CDH4: variants seen among roughly 807,000 people sequenced by gnomAD.
CDH4 encodes cadherin-4.
CDH4 carries 33 observed loss-of-function variants against 86.0 expected under a neutral mutation model. That is an observed-to-expected ratio of 0.38 (90% CI 0.29 to 0.51). CDH4 has a LOEUF of 0.51. CDH4 is among the 20% of genes least tolerant of loss of function. CDH4 has a pLI of 0.86. For synonymous variants in CDH4, 555 were observed against 549.4 expected, an observed-to-expected ratio of 1.01 and a Z score of -0.14; for missense variants, 1,114 against 1,307.4, an observed-to-expected ratio of 0.85 and a Z score of 2.28.
intron 2 of CDH4, among the ~76,000 whole-genome samples, chr20:61,531,472 C>CA (rs956436259): frequency 0.19 from 7,656 of 40,906 alleles, 409 homozygotes; most frequent in African/African-American, 0.22. Context: ...GACTGCATCT[C>CA]AAAAAAAAAA....
chr20:61,811,044 C>T lies in CDH4; in HGVS notation c.577-33624C>T, dbSNP rs941446643. ...TTCATCCCCTGCAAAACTAATGGCG[C>T]GGTGCTGACTGCCGCATCCTCAGCA... On this transcript the variant is annotated intron_variant, in intron 4 of 15. Coordinates refer to ENST00000614565, the MANE Select transcript of CDH4 (RefSeq NM_001794.5). The surrounding 1 kb of genome is among the most constrained non-coding windows in gnomAD (Gnocchi z 4.4). Among the ~76,000 whole-genome samples, 2 of 152,208 alleles carry T rather than the reference C, an allele frequency of 1.3e-5. No individual in the cohort carries two copies. Among genetic ancestry groups the T allele is most frequent in the Non-Finnish European group, 2.9e-5 (2 of 68,044 alleles).
chr20:61,719,332 C>T (rs6089489), intron 2 of CDH4: 124,208 of 340,236 alleles, frequency 0.37, 24,619 homozygotes, highest in South Asian at 0.43. Flanking sequence ...GAGTCAGCCA[C>T]GGAGGCCTGT....
At chr20:61,413,921 C>G (rs992455509) in intron 2 of CDH4, among the ~76,000 whole-genome samples, 1 of 152,188 alleles carries the variant, frequency 6.6e-6, no homozygotes, top group East Asian at 1.9e-4. Flanking sequence ...ACCATTCTGG[C>G]AGCTGGAAGT....
rs143854564 is a variant in CDH4, at chr20:61,606,892, G to A, written c.170-136671G>A. 3.8e-3 allele frequency among the ~76,000 whole-genome samples: 585 copies of A among 152,348 alleles called. 5 individuals carry two copies. Among genetic ancestry groups the A allele is most frequent in the African/African-American group, 0.013 (534 of 41,578 alleles). On this transcript the variant is annotated intron_variant, in intron 2 of 15. Transcript: ENST00000614565. ...CCCTCCAGACCAGCTCCAGGCTACC[G>A]CCGGGATGTCCTGGTGAGCCCAGGG...
At chr20:61,611,451 G>A (rs6142809) in intron 2 of CDH4, among the ~76,000 whole-genome samples, 3,830 of 152,156 alleles carry the variant, frequency 0.025, 145 homozygotes, top group East Asian at 0.17. Context: ...TGAGGTTGGT[G>A]ATCCCAGATT....
At chr20:61,416,899 G>A (rs981635367) in intron 2 of CDH4, among the ~76,000 whole-genome samples, 1 of 152,048 alleles carries the variant, frequency 6.6e-6, no homozygotes, top group Admixed American at 6.6e-5. Context: ...GTTTTGTCCT[G>A]ACTCACTGCC....
intron 2 of CDH4, among the ~76,000 whole-genome samples, chr20:61,380,531 T>TTTTTCCCCCCCCCC (rs2084894574): frequency 2.0e-5 from 3 of 148,834 alleles, no homozygotes; most frequent in African/African-American, 7.5e-5. Flanking sequence ...CAAACCCCCC[T>TTTTTCCCCCCCCCC]GCCCCCTCCC....
At chr20:61,898,926 C>T (rs906310995) in intron 8 of CDH4, among the ~76,000 whole-genome samples, 10 of 152,310 alleles carry the variant, frequency 6.6e-5, no homozygotes, top group South Asian at 2.1e-4. Flanking sequence ...AGTCCTGTCC[C>T]GTCTCGGTCT....
At chr20:61,261,889 C>A (rs1251145838) in intron 2 of CDH4, among the ~76,000 whole-genome samples, 1 of 152,196 alleles carries the variant, frequency 6.6e-6, no homozygotes, top group African/African-American at 2.4e-5. Flanking sequence ...AAAACCAGCC[C>A]TGGGATTAGA....
At chr20:61,361,508 C>T (rs1158336196) in intron 2 of CDH4, among the ~76,000 whole-genome samples, 1 of 152,154 alleles carries the variant, frequency 6.6e-6, no homozygotes, top group Non-Finnish European at 1.5e-5. Flanking sequence ...CAGACACTTT[C>T]CTTGGACCTC....
intron 7 of CDH4, 139 bp from the exon 8 acceptor site, chr20:61,894,771 G>A (rs774668314): frequency 4.8e-5 from 43 of 902,756 alleles, no homozygotes; most frequent in Non-Finnish European, 5.5e-5. Context: ...AGGGCCCTGC[G>A]CCCAGCACAC....
At chr20:61,702,754 C>T (rs2087790424) in intron 2 of CDH4, among the ~76,000 whole-genome samples, 1 of 152,220 alleles carries the variant, frequency 6.6e-6, no homozygotes, top group African/African-American at 2.4e-5. Flanking sequence ...AGAAAAAGCA[C>T]AGGGCATTTC....
chr20:61,755,529 C>T (rs1442723830), intron 3 of CDH4, among the ~76,000 whole-genome samples: 1 of 148,990 alleles, frequency 6.7e-6, no homozygotes, highest in African/African-American at 2.5e-5. Flanking sequence ...ACACCACACA[C>T]ACCATATACA....
chr20:61,638,916 G>A (rs559410188), intron 2 of CDH4, among the ~76,000 whole-genome samples: 8 of 152,162 alleles, frequency 5.3e-5, no homozygotes, highest in African/African-American at 1.9e-4. Context: ...AGCCAACTCA[G>A]GTTCCAGGGA....
intron 9 of CDH4, among the ~76,000 whole-genome samples, chr20:61,918,399 C>A (rs2054929257): frequency 6.6e-6 from 1 of 152,156 alleles, no homozygotes; most frequent in African/African-American, 2.4e-5. Context: ...CAAGGGGGTG[C>A]CCACTCCCTA....
chr20:61,626,161 C>G (rs1053532170), intron 2 of CDH4, among the ~76,000 whole-genome samples: 1 of 152,180 alleles, frequency 6.6e-6, no homozygotes, highest in African/African-American at 2.4e-5. Context: ...AGGGGACATT[C>G]TAGAGGTGGC....
At chr20:61,346,077 G>A (rs6015956) in intron 2 of CDH4, among the ~76,000 whole-genome samples, 30,149 of 152,142 alleles carry the variant, frequency 0.2, 2,994 homozygotes, top group Middle Eastern at 0.35. Flanking sequence ...ATTAACCCAC[G>A]CGGGATAAAT....
chr20:61,642,287 A>G (rs113709230), intron 2 of CDH4, among the ~76,000 whole-genome samples: 9,632 of 152,246 alleles, frequency 0.063, 356 homozygotes, highest in Middle Eastern at 0.1. Context: ...CGGAAGTCCT[A>G]GGGCACCCTG....
chr20:61,357,142 T>C (rs2084754758), intron 2 of CDH4, among the ~76,000 whole-genome samples: 1 of 152,218 alleles, frequency 6.6e-6, no homozygotes, highest in Admixed American at 6.5e-5. Context: ...GGGAATACAC[T>C]GCTAGGAAGT....
Sources: gnomAD v4.1 joint callset for allele counts (sites outside exome capture counted in the v4.1 genomes callset) on GRCh38, gnomAD v4.1.1 for gene constraint, Gnocchi (gnomAD v3.1) non-coding constraint, MANE v1.5 for transcripts, NCBI Gene and HGNC (gene_info 2026-07-23, HGNC 2026-07-21) for gene names.